ITGA11: variants seen among roughly 807,000 people sequenced by gnomAD.
The protein encoded by ITGA11 is integrin subunit alpha 11, also known as integrin alpha-11.
A neutral mutation model predicts 141.9 loss-of-function variants in ITGA11; 97 were observed. That is an observed-to-expected ratio of 0.68 (90% CI 0.58 to 0.81). The LOEUF is 0.81. ITGA11 is among the 30% of genes least tolerant of loss of function. The pLI, the probability that ITGA11 is intolerant of heterozygous loss-of-function variation, is 0.00. For missense variants in ITGA11, 1,387 were observed against 1,559.2 expected (o/e 0.89, Z 1.86); for synonymous variants, 658 against 624.6 (o/e 1.05, Z -0.80).
At position 68,425,435 on chromosome 15, in the gene ITGA11, C is replaced by T. The variant is rs151236673; in HGVS notation, c.52+6580G>A. On this transcript the variant is annotated intron_variant, in intron 1 of 29. Coordinates refer to ENST00000315757, the MANE Select transcript of ITGA11 (RefSeq NM_001004439.2). ...AAACTCAGAGAACCCTGTCTACAAACTATTGATGGGACTTTATTATGGCCA... is the reference window on the plus strand; with the variant it reads ...AAACTCAGAGAACCCTGTCTACAAATTATTGATGGGACTTTATTATGGCCA... 5.9e-3 allele frequency among the ~76,000 whole-genome samples: 892 copies of T among 152,344 alleles called. 10 individuals are homozygous for T. The highest frequency in any genetic ancestry group is 0.021 in the African/African-American group (861 of 41,574).
At position 68,362,591 on chromosome 15, in the gene ITGA11, GTAGATGGATGGATGAATGATGTA is replaced by G. The variant is rs1240756323; in HGVS notation, c.358-910_358-888del. On this transcript the variant is annotated intron_variant, in intron 4 of 29. Transcript: ENST00000315757. ...TGATAGATGGATGGATAAGTGGGTGGTAGATGGATGGATGAATGATGTATAGATGGATGGATGAATGATGTATA... is the reference window on the plus strand; with the variant it reads ...TGATAGATGGATGGATAAGTGGGTGGTAGATGGATGGATGAATGATGTATA... Among the ~76,000 whole-genome samples the G allele has an allele frequency of 6.6e-5, 10 of 152,208 alleles. No homozygotes were observed. In the South Asian group the frequency reaches 1.2e-3, roughly 19 times the overall value.
chr15:68,372,382 C>G (rs935043256), intron 2 of ITGA11, among the ~76,000 whole-genome samples: 1 of 152,114 alleles, frequency 6.6e-6, no homozygotes, highest in Non-Finnish European at 1.5e-5. Context: ...GGGCCTGCTA[C>G]GCCTCTCGGG....
In ITGA11 at chr15:68,298,856, G is replaced by A. The variant is rs1892962964; in HGVS notation, c.*4203C>T. On this transcript the variant is annotated 3_prime_UTR_variant, in exon 30 of 30. Transcript: ENST00000315757. Reference sequence around the variant, plus strand: ...AATCCAGGAGTTTGAGACCAGCCTGGGCAACATGGCGAGACCCTGTCTCTA... The same window carrying A: ...AATCCAGGAGTTTGAGACCAGCCTGAGCAACATGGCGAGACCCTGTCTCTA... 1 of 152,052 alleles carries A rather than the reference G, an allele frequency of 6.6e-6. No individual in the cohort carries two copies. Among genetic ancestry groups the A allele is most frequent in the Non-Finnish European group, 1.5e-5 (1 of 68,106 alleles). The allele number at this position is 152,052 out of a possible 1,614,324, so 9.4% of individuals were successfully genotyped here. A position where few individuals can be genotyped will look rare whatever the true frequency, so the allele number is the denominator to read the frequency against.
At chr15:68,339,711 G>A in intron 10 of ITGA11, 67 bp from the exon 11 acceptor site, 1 of 1,592,730 alleles carries the variant, frequency 6.3e-7, no homozygotes, top group Non-Finnish European at 8.6e-7. Flanking sequence ...AGCCACATCA[G>A]GTCCTATGAC....
chr15:68,326,648 GCT>G lies in ITGA11; in HGVS notation c.2211+4_2211+5del. On this transcript the variant is annotated splice_donor_5th_base_variant and intron_variant, in intron 17 of 29. Coordinates refer to ENST00000315757, the MANE Select transcript of ITGA11 (RefSeq NM_001004439.2). The surrounding 1 kb of genome is among the most constrained non-coding windows in gnomAD (Gnocchi z 6.8). ...TTGGGCTCTGCTGGTGGGGCTGCCA[GCT>G]TACCAGGACATGGAAGTTGATCCGC... 1 of 1,585,204 alleles carries G rather than the reference GCT, an allele frequency of 6.3e-7. No individual in the cohort carries two copies. The highest frequency in any genetic ancestry group is 8.6e-7 in the Non-Finnish European group (1 of 1,165,548).
intron 2 of ITGA11, among the ~76,000 whole-genome samples, chr15:68,381,493 A>G (rs1895859870): frequency 6.6e-6 from 1 of 152,120 alleles, no homozygotes; most frequent in Admixed American, 6.5e-5. Context: ...GGTACCAGGG[A>G]TTGCGCTACA....
chr15:68,372,877 T>C (rs1267687033), intron 2 of ITGA11, among the ~76,000 whole-genome samples: 1 of 152,202 alleles, frequency 6.6e-6, no homozygotes, highest in East Asian at 1.9e-4. Flanking sequence ...TCTCTAAACT[T>C]TTAAAATTCA....
chr15:68,364,846 T>A, intron 3 of ITGA11, 48 bp from the exon 4 acceptor site: 1 of 1,555,288 alleles, frequency 6.4e-7, no homozygotes, highest in Non-Finnish European at 8.9e-7. Flanking sequence ...CTGCCCGCCC[T>A]CTGCCCAGAG....
intron 2 of ITGA11, among the ~76,000 whole-genome samples, chr15:68,390,409 A>G (rs953749149): frequency 3.3e-5 from 5 of 151,672 alleles, no homozygotes; most frequent in Non-Finnish European, 5.9e-5. Flanking sequence ...TGGGACCTGG[A>G]TTTGGGGGCC....
At position 68,317,297 on chromosome 15, in the gene ITGA11, C is replaced by T. The variant is rs758359457; in HGVS notation, c.2683G>A (p.Val895Ile). ...ERRLQKQVCN[V>I]SYPFFRAKAK... ...TTGGCCCGGAAGAAGGGATAGCTGA[C>T]GTTGCAGACTTGCTTCTGGAGCCTC... Residue 895 changes from valine (V) to isoleucine (I), a missense_variant, in exon 21 of 30, where the codon GTC becomes ATC. Val to Ile is a conservative substitution (Grantham distance 29, BLOSUM62 3). Transcript: ENST00000315757. 2.6e-5 allele frequency: 42 copies of T among 1,613,612 alleles called. No individual in the cohort carries two copies. The highest frequency in any genetic ancestry group is 1.6e-4 in the Middle Eastern group (1 of 6,084).
chr15:68,359,003 G>C (rs1203174299), intron 5 of ITGA11, among the ~76,000 whole-genome samples: 1 of 152,176 alleles, frequency 6.6e-6, no homozygotes, highest in Admixed American at 6.5e-5. Context: ...TGATGTCGTG[G>C]CTAGAAATGT....
chr15:68,350,271 A>G (rs1055187125), intron 9 of ITGA11, among the ~76,000 whole-genome samples: 1 of 151,966 alleles, frequency 6.6e-6, no homozygotes, highest in African/African-American at 2.4e-5. Context: ...TGCAACCTCA[A>G]CCTCCCAGGC....
intron 10 of ITGA11, among the ~76,000 whole-genome samples, chr15:68,347,574 C>T (rs1023425958): frequency 1.1e-4 from 16 of 152,262 alleles, no homozygotes; most frequent in African/African-American, 3.6e-4. Flanking sequence ...GTCCATCTGC[C>T]GGCTGCATGT....
At chr15:68,345,901 C>A (rs1217730895) in intron 10 of ITGA11, among the ~76,000 whole-genome samples, 1 of 152,230 alleles carries the variant, frequency 6.6e-6, no homozygotes, top group Non-Finnish European at 1.5e-5. Flanking sequence ...CTAAAATAGC[C>A]CCCAGTGCCC....
chr15:68,401,608 G>A (rs1355027608), intron 2 of ITGA11, among the ~76,000 whole-genome samples: 4 of 152,148 alleles, frequency 2.6e-5, no homozygotes, highest in Non-Finnish European at 4.4e-5. Context: ...ATACAAATGA[G>A]CACCTATTGC....
rs1311609991 is a variant in ITGA11 at position 68,425,862 on chromosome 15, A to G, written c.52+6153T>C. Among the ~76,000 whole-genome samples, 4 of 152,350 alleles carry G rather than the reference A, an allele frequency of 2.6e-5. No individual in the cohort carries two copies. In the East Asian group the frequency reaches 5.8e-4, roughly 22 times the overall value. ...AGAAAGCTGTCAGCCCCAGCTGCGCAGGCAGGAACCCCTTCTCTGTGTCAT... is the reference window on the plus strand; with the variant it reads ...AGAAAGCTGTCAGCCCCAGCTGCGCGGGCAGGAACCCCTTCTCTGTGTCAT... On this transcript the variant is annotated intron_variant, in intron 1 of 29. Transcript: ENST00000315757.
chr15:68,350,315 G>T (rs1231042366), intron 9 of ITGA11, among the ~76,000 whole-genome samples: 6 of 152,034 alleles, frequency 3.9e-5, no homozygotes, highest in South Asian at 2.1e-4. Context: ...TTCCTAAGTA[G>T]CTAGGACTAC....
chr15:68,431,526 G>A (rs1897270760), intron 1 of ITGA11, among the ~76,000 whole-genome samples: 1 of 152,182 alleles, frequency 6.6e-6, no homozygotes, highest in South Asian at 2.1e-4. Flanking sequence ...CCACCCTTCA[G>A]CCCTCCGGGG....
At chr15:68,425,868 G>A (rs1897130831) in intron 1 of ITGA11, among the ~76,000 whole-genome samples, 1 of 152,230 alleles carries the variant, frequency 6.6e-6, no homozygotes, top group Admixed American at 6.5e-5. Context: ...GCGCAGGCAG[G>A]AACCCCTTCT....
Sources: allele counts gnomAD v4.1 joint callset (sites outside exome capture counted in the v4.1 genomes callset), GRCh38; gene constraint gnomAD v4.1.1; non-coding constraint Gnocchi (gnomAD v3.1); transcripts MANE v1.5; gene names NCBI Gene and HGNC (gene_info 2026-07-23, HGNC 2026-07-21).